Variants in ARRDC5 observed in about 807,000 individuals in gnomAD.
The protein encoded by ARRDC5 is arrestin domain containing 5, also known as arrestin domain-containing protein 5.
A neutral mutation model predicts 13.3 loss-of-function variants in ARRDC5; 12 were observed. That is an observed-to-expected ratio of 0.90 (90% CI 0.58 to 1.46). The LOEUF (loss-of-function observed/expected upper bound fraction) is 1.46, where lower values mean the gene tolerates loss of function less well. ARRDC5 is among the 40% of genes most tolerant of loss of function. The pLI, the probability that ARRDC5 is intolerant of heterozygous loss-of-function variation, is 0.00. For missense variants in ARRDC5, 406 were observed against 418.7 expected, an observed-to-expected ratio of 0.97 and a Z score of 0.26; for synonymous variants, 181 against 173.4, an observed-to-expected ratio of 1.04 and a Z score of -0.34.
rs539895827 is a variant in ARRDC5, at chr19:4,894,058, A to G, written c.460-2485T>C. Among the ~76,000 whole-genome samples the G allele has an allele frequency of 5.4e-5, 8 of 147,754 alleles. No homozygotes were observed. The Admixed American group carries it at 5.5e-4, about 10-fold the overall frequency. Reference sequence around the variant, plus strand: ...GCAAGACTCTGCCTAAAAAAAAAAAAAAAAGAGGAGAAGAAGAAGAAAGAA... The same window carrying G: ...GCAAGACTCTGCCTAAAAAAAAAAAGAAAAGAGGAGAAGAAGAAGAAAGAA... On this transcript the variant is annotated intron_variant, in intron 2 of 2. Coordinates refer to ENST00000650722, the MANE Select transcript of ARRDC5 (RefSeq NM_001080523.3).
At chr19:4,898,006 G>C (rs1289823252) in intron 1 of ARRDC5, among the ~76,000 whole-genome samples, 1 of 152,196 alleles carries the variant, frequency 6.6e-6, no homozygotes, top group East Asian at 1.9e-4. Context: ...AGGATAGCTT[G>C]AACGTGCGAG....
At chr19:4,906,764 G>T (rs2032071953), upstream of ARRDC5, among the ~76,000 whole-genome samples, 1 of 151,796 alleles carries the variant, frequency 6.6e-6, no homozygotes, top group Non-Finnish European at 1.5e-5. Context: ...AAAAGAAAAA[G>T]AAAAAAAGAA....
chr19:4,894,728 A>G (rs398040828), intron 2 of ARRDC5, among the ~76,000 whole-genome samples: 46 of 141,094 alleles, frequency 3.3e-4, no homozygotes, highest in Middle Eastern at 3.6e-3. Context: ...GAGAAGAAGA[A>G]GAAGAGGAAG....
chr19:4,896,539 CG>C, intron 2 of ARRDC5, 131 bp downstream of exon 2: 1 of 660,922 alleles, frequency 1.5e-6, no homozygotes, highest in Non-Finnish European at 2.6e-6. Flanking sequence ...TGTGAAATCT[CG>C]GGGCCTGGGA....
chr19:4,905,586 C>G (rs538885746), upstream of ARRDC5, among the ~76,000 whole-genome samples: 1 of 151,962 alleles, frequency 6.6e-6, no homozygotes, highest in South Asian at 2.1e-4. Flanking sequence ...GGTGCAATCT[C>G]GGCTCACTGT....
chr19:4,896,369 C>CTTT (rs1568396075), intron 2 of ARRDC5, among the ~76,000 whole-genome samples: 16 of 102,600 alleles, frequency 1.6e-4, no homozygotes, highest in African/African-American at 6.4e-4. Flanking sequence ...TTTACACACA[C>CTTT]ACACACACAC....
chr19:4,906,776 AAG>A (rs1430091265), upstream of ARRDC5, among the ~76,000 whole-genome samples: 4 of 152,118 alleles, frequency 2.6e-5, no homozygotes, highest in Non-Finnish European at 4.4e-5. Flanking sequence ...AAAAAAGAAA[AAG>A]AAAAATGTAT....
chr19:4,899,229 G>A (rs1177070702), intron 1 of ARRDC5, among the ~76,000 whole-genome samples: 2 of 149,920 alleles, frequency 1.3e-5, no homozygotes, highest in South Asian at 2.1e-4. Flanking sequence ...GGAGAATGGC[G>A]TGAACCCGGG....
At chr19:4,893,121 A>C (rs921582076) in intron 2 of ARRDC5, among the ~76,000 whole-genome samples, 16 of 137,014 alleles carry the variant, frequency 1.2e-4, no homozygotes, top group South Asian at 6.6e-4. Flanking sequence ...TATATATATT[A>C]TAATAATATA....
the ARRDC5 span, among the ~76,000 whole-genome samples, chr19:4,916,627 C>A: frequency 6.6e-6 from 1 of 152,158 alleles, no homozygotes; most frequent in Admixed American, 6.5e-5. Context: ...GATGCCCTCG[C>A]GGCGCCGTCC....
chr19:4,904,372 G>T (rs934927728), upstream of ARRDC5, among the ~76,000 whole-genome samples: 1 of 152,074 alleles, frequency 6.6e-6, no homozygotes, highest in Non-Finnish European at 1.5e-5. Context: ...GTAGAGACGG[G>T]GTTTCATCAT....
chr19:4,910,864 C>G, the ARRDC5 span: 42 of 1,592,626 alleles, frequency 2.6e-5, no homozygotes, highest in Non-Finnish European at 3.3e-5. Flanking sequence ...TTTTTGCTGT[C>G]CCTCCCCTCA....
chr19:4,895,413 A>C (rs1599212535), intron 2 of ARRDC5, among the ~76,000 whole-genome samples: 1 of 124,548 alleles, frequency 8.0e-6, no homozygotes, highest in African/African-American at 3.1e-5. Flanking sequence ...ACAAAGTGAG[A>C]CTCCGTCTCA....
At chr19:4,913,506 C>T in the ARRDC5 span, among the ~76,000 whole-genome samples, 1 of 152,032 alleles carries the variant, frequency 6.6e-6, no homozygotes, top group East Asian at 1.9e-4. Context: ...CCACCTACCT[C>T]CGTCTCCCAA....
chr19:4,902,390 T>A (rs1032537523), intron 1 of ARRDC5, among the ~76,000 whole-genome samples, 183 bp downstream of exon 1: 1 of 152,220 alleles, frequency 6.6e-6, no homozygotes, highest in Admixed American at 6.5e-5. Flanking sequence ...CCTTATGTCT[T>A]GTTATTTTTG....
chr19:4,909,635 C>A, the ARRDC5 span: 1 of 581,264 alleles, frequency 1.7e-6, no homozygotes. Context: ...GGCAGACAAG[C>A]TGTTCGCGGC....
chr19:4,908,882 C>T, the ARRDC5 span, among the ~76,000 whole-genome samples: 3 of 152,186 alleles, frequency 2.0e-5, no homozygotes, highest in Non-Finnish European at 2.9e-5. Flanking sequence ...ACTCCTGTGC[C>T]CGCCAGGACT....
chr19:4,904,283 A>G (rs1260431614), upstream of ARRDC5, among the ~76,000 whole-genome samples: 1 of 151,766 alleles, frequency 6.6e-6, no homozygotes, highest in Non-Finnish European at 1.5e-5. Flanking sequence ...TGTTCATGCC[A>G]TTCTCCTGCC....
upstream of ARRDC5, chr19:4,903,029 C>CTTT: frequency 4.5e-6 from 2 of 448,132 alleles, no homozygotes; most frequent in East Asian, 3.7e-5. Flanking sequence ...CTCACTGGTT[C>CTTT]TTTTTTTTTT....
Sources: allele counts gnomAD v4.1 joint callset (sites outside exome capture counted in the v4.1 genomes callset), GRCh38; gene constraint gnomAD v4.1.1; transcripts MANE v1.5; gene names NCBI Gene and HGNC (gene_info 2026-07-23, HGNC 2026-07-21).